The following PCDH15 variants were observed in gnomAD, a reference collection of about 807,000 sequenced individuals.
PCDH15 encodes the protein protocadherin related 15, also known as protocadherin-15.
A neutral mutation model predicts 178.5 loss-of-function variants in PCDH15; 129 were observed. The ratio of observed to expected loss-of-function variants is 0.72; its 90% CI spans 0.63 to 0.84. The LOEUF is 0.84. PCDH15 is among the 40% of genes least tolerant of loss of function. The pLI is 0.00. For missense variants in PCDH15, 2,230 were observed against 2,099.9 expected (o/e 1.06, Z -1.21); for synonymous variants, 800 against 732.0 (o/e 1.09, Z -1.50).
chr10:53,980,950 A>G (rs2090588770), intron 21 of PCDH15, among the ~76,000 whole-genome samples: 1 of 152,158 alleles, frequency 6.6e-6, no homozygotes, highest in East Asian at 1.9e-4. Flanking sequence ...TTTCCAAAAT[A>G]TGTAACAAAT....
At chr10:54,714,841 T>C (rs1261884138) in intron 1 of PCDH15, among the ~76,000 whole-genome samples, 4 of 152,168 alleles carry the variant, frequency 2.6e-5, no homozygotes, top group Non-Finnish European at 4.4e-5. Flanking sequence ...TCTATTCACT[T>C]AATGTTATAA....
At chr10:54,779,460 G>GTGTATATATATATACACACATATA (rs1466556442) in intron 1 of PCDH15, among the ~76,000 whole-genome samples, 20 of 29,354 alleles carry the variant, frequency 6.8e-4, no homozygotes, top group East Asian at 2.5e-3. Flanking sequence ...ACTCATATAT[G>GTGTATATATATATACACACATATA]TGTGTATATA....
At chr10:54,865,284 T>C (rs1312068107) in intron 3 of PCDH15, among the ~76,000 whole-genome samples, 1 of 152,138 alleles carries the variant, frequency 6.6e-6, no homozygotes, top group Non-Finnish European at 1.5e-5. Context: ...GCTGTCATCT[T>C]TCTCTTGTGC....
At chr10:54,530,707 C>T (rs1020957534) in intron 2 of PCDH15, among the ~76,000 whole-genome samples, 8 of 152,056 alleles carry the variant, frequency 5.3e-5, no homozygotes, top group Admixed American at 3.9e-4. Context: ...ATTCCCACTA[C>T]GATTTATTAT....
chr10:53,824,561 A>G (rs181310851), intron 32 of PCDH15, among the ~76,000 whole-genome samples: 1 of 152,336 alleles, frequency 6.6e-6, no homozygotes, highest in Non-Finnish European at 1.5e-5. Context: ...CAATTCACAC[A>G]GGTAGACCTG....
At chr10:54,030,858 T>A (rs921075495) in intron 18 of PCDH15, among the ~76,000 whole-genome samples, 9 of 151,976 alleles carry the variant, frequency 5.9e-5, no homozygotes, top group African/African-American at 2.2e-4. Flanking sequence ...GTCAGTGGTT[T>A]GTTACCACTG....
At chr10:55,013,669 A>G (rs1446495994) in intron 2 of PCDH15, among the ~76,000 whole-genome samples, 1 of 152,182 alleles carries the variant, frequency 6.6e-6, no homozygotes, top group Non-Finnish European at 1.5e-5. Flanking sequence ...TTATTAATGT[A>G]TAATTAAATT....
chr10:54,447,966 C>G (rs1315130870), intron 3 of PCDH15, among the ~76,000 whole-genome samples: 1 of 149,834 alleles, frequency 6.7e-6, no homozygotes, highest in Non-Finnish European at 1.5e-5. Context: ...AATTTTTTTT[C>G]TACAGATATC....
chr10:55,144,799 C>T (rs74136362), intron 2 of PCDH15, among the ~76,000 whole-genome samples: 289 of 151,224 alleles, frequency 1.9e-3, no homozygotes, highest in African/African-American at 6.8e-3. Flanking sequence ...TTTATTTGCA[C>T]GATGCATATT....
chr10:55,453,783 T>C (rs1839487423), intron 2 of PCDH15, among the ~76,000 whole-genome samples: 1 of 152,140 alleles, frequency 6.6e-6, no homozygotes, highest in Non-Finnish European at 1.5e-5. Context: ...ATACCTTAGG[T>C]AGTGCATCCA....
Position 54,153,189 on chromosome 10 carries a change from G to T in PCDH15, c.1695C>A (p.Ile565=). The T allele has an allele frequency of 1.2e-6, 2 of 1,613,844 alleles. No individual in the cohort carries two copies. Among genetic ancestry groups the T allele is most frequent in the Non-Finnish European group, 1.7e-6 (2 of 1,179,882 alleles). Residue 565 remains isoleucine (I), a synonymous_variant, in exon 14 of 38, where the codon ATC becomes ATA. Coordinates refer to ENST00000644397, the MANE Select transcript of PCDH15 (RefSeq NM_001384140.1). ...DFIINKTTGL[I]TIAPGVEMIV... is the part of the protein sequence containing the mutation. ...TCATTTCCACCCCTGGAGCGATGGTGATAAGCCCTGTTGTTTTATTGATGA... is the reference window on the plus strand; with the variant it reads ...TCATTTCCACCCCTGGAGCGATGGTTATAAGCCCTGTTGTTTTATTGATGA...
chr10:54,675,671 C>CCTT lies in PCDH15; in HGVS notation c.-28-11384_-28-11382dup, dbSNP rs537329232. Among the ~76,000 whole-genome samples the CCTT allele has an allele frequency of 1.4e-3, 208 of 152,178 alleles. 3 individuals carry two copies. The highest frequency in any genetic ancestry group is 4.8e-3 in the African/African-American group (200 of 41,522). ...TATAGGTCAAATATTTTGCGATAAT[C>CCTT]CTTAGCCTTTCCTTTGTATTCAGCG... On this transcript the variant is annotated intron_variant, in intron 1 of 37. Coordinates refer to ENST00000644397, the MANE Select transcript of PCDH15 (RefSeq NM_001384140.1).
intron 2 of PCDH15, among the ~76,000 whole-genome samples, chr10:54,571,460 A>C (rs1030826939): frequency 1.1e-4 from 17 of 152,116 alleles, no homozygotes; most frequent in African/African-American, 2.7e-4. Flanking sequence ...CATTAGAAGC[A>C]ATGCAGAAAA....
At chr10:53,979,461 A>C (rs1016077694) in intron 21 of PCDH15, among the ~76,000 whole-genome samples, 2 of 152,212 alleles carry the variant, frequency 1.3e-5, no homozygotes, top group African/African-American at 4.8e-5. Context: ...GATTTGGGTG[A>C]GGACACAGCA....
intron 21 of PCDH15, among the ~76,000 whole-genome samples, chr10:53,981,864 C>T (rs2090672423): frequency 6.7e-6 from 1 of 150,276 alleles, no homozygotes; most frequent in Non-Finnish European, 1.5e-5. Flanking sequence ...AAAGAAACTA[C>T]CATCAGAGTG....
intron 18 of PCDH15, among the ~76,000 whole-genome samples, chr10:54,027,139 A>C (rs1339008098): frequency 1.7e-3 from 251 of 146,816 alleles, no homozygotes; most frequent in East Asian, 5.4e-3. Flanking sequence ...ATTCTTATAC[A>C]CCAACAACAG....
intron 32 of PCDH15, chr10:53,821,693 T>C: frequency 7.0e-7 from 1 of 1,421,828 alleles, no homozygotes; most frequent in Non-Finnish European, 9.2e-7. Flanking sequence ...AGTGAGTTAG[T>C]AGTGATGAGG....
chr10:55,140,422 A>G (rs1838314841), intron 2 of PCDH15, among the ~76,000 whole-genome samples: 2 of 151,772 alleles, frequency 1.3e-5, no homozygotes, highest in Admixed American at 1.3e-4. Context: ...TTTTCTCATA[A>G]TTGGTTGTAA....
intron 18 of PCDH15, among the ~76,000 whole-genome samples, chr10:54,042,355 A>G (rs568126445): frequency 1.3e-5 from 2 of 152,254 alleles, no homozygotes; most frequent in African/African-American, 2.4e-5. Flanking sequence ...GGAATATGCT[A>G]TATTTGCAGG....
Sources: gnomAD v4.1 joint callset for allele counts (sites outside exome capture counted in the v4.1 genomes callset) on GRCh38, gnomAD v4.1.1 for gene constraint, MANE v1.5 for transcripts, NCBI Gene and HGNC (gene_info 2026-07-23, HGNC 2026-07-21) for gene names.